Variants in RUNX1T1 observed in about 807,000 individuals in gnomAD.
RUNX1T1 encodes the protein RUNX1 partner transcriptional co-repressor 1, also known as protein CBFA2T1.
In RUNX1T1, 4 loss-of-function variants were observed where a neutral mutation model predicts 62.8. The ratio of observed to expected loss-of-function variants is 0.06; its 90% CI spans 0.03 to 0.15. The LOEUF is 0.15. Among genes scored for constraint, RUNX1T1 ranks in the 10% least tolerant of loss-of-function variants. The pLI, the probability that RUNX1T1 is intolerant of heterozygous loss-of-function variation, is 1.00. For synonymous variants in RUNX1T1, 291 were observed against 286.0 expected, an observed-to-expected ratio of 1.02 and a Z score of -0.18; for missense variants, 508 against 754.3, an observed-to-expected ratio of 0.67 and a Z score of 3.82.
chr8:92,081,377 A>G, intron 1 of RUNX1T1: 1 of 300,590 alleles, frequency 3.3e-6, no homozygotes, highest in Non-Finnish European at 4.9e-6. Flanking sequence ...ATATCAGTAC[A>G]ATCATAATCT....
exon 11 of RUNX1T1, chr8:91,959,446 G>T: frequency 7.3e-6 from 1 of 136,758 alleles, no homozygotes; most frequent in Non-Finnish European, 1.4e-5. Flanking sequence ...GTGTGTGTGT[G>T]TGTGTGTGTG....
chr8:92,035,123 C>T (rs868246368), intron 1 of RUNX1T1, among the ~76,000 whole-genome samples: 3 of 151,682 alleles, frequency 2.0e-5, no homozygotes, highest in East Asian at 3.9e-4. Flanking sequence ...GGTGAAACGC[C>T]GTCTCTACTA....
intron 10 of RUNX1T1, among the ~76,000 whole-genome samples, chr8:91,964,781 G>A (rs764205992): frequency 1.3e-5 from 2 of 152,044 alleles, no homozygotes; most frequent in Non-Finnish European, 2.9e-5. Flanking sequence ...TCCCAAAAAT[G>A]GACAGAAATT....
intron 5 of RUNX1T1, among the ~76,000 whole-genome samples, chr8:91,994,204 A>AT (rs1806300357): frequency 6.6e-6 from 1 of 151,982 alleles, no homozygotes; most frequent in African/African-American, 2.4e-5. Flanking sequence ...AAACATACTG[A>AT]CTCCTTACAT....
chr8:91,989,715 C>T (rs1406456664), intron 6 of RUNX1T1, among the ~76,000 whole-genome samples: 1 of 152,142 alleles, frequency 6.6e-6, no homozygotes, highest in Non-Finnish European at 1.5e-5. Flanking sequence ...TATTTAAAAA[C>T]ATGCAATCAT....
intron 8 of RUNX1T1, among the ~76,000 whole-genome samples, chr8:91,978,510 A>C (rs1335900967): frequency 1.3e-5 from 2 of 152,192 alleles, no homozygotes; most frequent in East Asian, 1.9e-4. Flanking sequence ...TAAAAATCCA[A>C]ATACCACAAA....
At chr8:92,067,832 C>T (rs1264274678), upstream of RUNX1T1, among the ~76,000 whole-genome samples, 1 of 152,102 alleles carries the variant, frequency 6.6e-6, no homozygotes, top group Non-Finnish European at 1.5e-5. Flanking sequence ...GTGCCAATGC[C>T]TTTAAAATAT....
At chr8:92,056,842 C>T (rs1831122767) in intron 1 of RUNX1T1, among the ~76,000 whole-genome samples, 1 of 152,134 alleles carries the variant, frequency 6.6e-6, no homozygotes, top group Non-Finnish European at 1.5e-5. Flanking sequence ...TAATTTTCTA[C>T]TAATCCAAAA....
chr8:91,987,390 G>A (rs1816794805), intron 6 of RUNX1T1, among the ~76,000 whole-genome samples: 2 of 152,088 alleles, frequency 1.3e-5, no homozygotes, highest in South Asian at 4.1e-4. Context: ...TACATAGGAA[G>A]GGTTATGCTT....
At chr8:92,081,102 T>A (rs1835192249) in intron 1 of RUNX1T1, 1 of 164,542 alleles carries the variant, frequency 6.1e-6, no homozygotes, top group African/African-American at 2.4e-5. Context: ...GTTCTTACAC[T>A]TACTCATCAG....
In RUNX1T1 at chr8:92,037,374, A is replaced by G. The variant is rs190142419; in HGVS notation, c.8-20011T>C. On this transcript the variant is annotated intron_variant, in intron 1 of 10. Coordinates refer to ENST00000396218, the Ensembl canonical transcript of RUNX1T1. The stretch of plus-strand genomic sequence containing the variant: ...GCATTTCCAGTCAATATTTTTTTAA[A>G]AATACATAAACAAGTCCTTCTCATC... 3.1e-3 allele frequency among the ~76,000 whole-genome samples: 467 copies of G among 152,256 alleles called. 1 individual carries two copies. The highest frequency in any genetic ancestry group is 5.5e-3 in the Non-Finnish European group (374 of 68,012).
intron 10 of RUNX1T1, among the ~76,000 whole-genome samples, chr8:91,961,931 G>A (rs887249851): frequency 6.6e-6 from 1 of 152,168 alleles, no homozygotes; most frequent in Non-Finnish European, 1.5e-5. Context: ...GTATTCACAG[G>A]TCTCCCTACT....
chr8:92,035,078 T>C (rs1271454386), intron 1 of RUNX1T1, among the ~76,000 whole-genome samples: 2 of 151,966 alleles, frequency 1.3e-5, no homozygotes, highest in African/African-American at 2.4e-5. Flanking sequence ...GCGGATCACC[T>C]GAGGTCAGGA....
At position 92,022,739 on chromosome 8, in the gene RUNX1T1, C is replaced by T. The variant is rs148304390; in HGVS notation, c.8-5376G>A. Among the ~76,000 whole-genome samples the T allele has an allele frequency of 2.2e-3, 342 of 152,246 alleles. 3 individuals are homozygous for T. Among genetic ancestry groups the T allele is most frequent in the East Asian group, 0.018 (94 of 5,172 alleles). On this transcript the variant is annotated intron_variant, in intron 1 of 10. Transcript: ENST00000396218. ...TGTTTAAACTACCCAGTCTAAGGTA[C>T]TGATATAGCAGCACAAATGGACTAA...
At position 92,024,497 on chromosome 8, in the gene RUNX1T1, C is replaced by CAA. The variant is rs34547904; in HGVS notation, c.8-7136_8-7135dup. ...GGGGTAACAGAGTGAAACCCCAACT[C>CAA]AAAAAAAAAAAAAAAAAAAAAAAAA... On this transcript the variant is annotated intron_variant, in intron 1 of 10. Transcript: ENST00000396218. Among the ~76,000 whole-genome samples the CAA allele has an allele frequency of 2.9e-3, 51 of 17,530 alleles. 2 individuals are homozygous for CAA. Among genetic ancestry groups the CAA allele is most frequent in the South Asian group, 6.8e-3 (2 of 296 alleles). The allele number at this position is 17,530 out of a possible 152,430, so 11.5% of individuals were successfully genotyped here. A position where few individuals can be genotyped will look rare whatever the true frequency, so the allele number is the denominator to read the frequency against.
At chr8:92,102,809 C>T, upstream of RUNX1T1, 2 of 1,490,242 alleles carry the variant, frequency 1.3e-6, no homozygotes, top group Non-Finnish European at 1.8e-6. The surrounding 1 kb of genome is among the most constrained non-coding windows in gnomAD (Gnocchi z 4.5). Context: ...AGTCAGGGGC[C>T]CGACCCCGCC....
At chr8:91,956,990 GAAAA>G (rs911913545), downstream of RUNX1T1, 1 of 165,018 alleles carries the variant, frequency 6.1e-6, no homozygotes, top group Non-Finnish European at 1.3e-5. Context: ...AAAAATTTAA[GAAAA>G]AAAAAAGACA....
rs553477629 is a variant in RUNX1T1 at position 91,960,989 on chromosome 8, A to G, written c.1459-472T>C. ...CCATATCTATATTGGATTCAAATAA[A>G]TATAATAGAGTAGATAAGGGATTCT... On this transcript the variant is annotated intron_variant, in intron 10 of 10. Coordinates refer to ENST00000396218, the Ensembl canonical transcript of RUNX1T1. Among the ~76,000 whole-genome samples the G allele has an allele frequency of 2.6e-5, 4 of 152,330 alleles. 1 individual carries two copies. Among genetic ancestry groups the G allele is most frequent in the African/African-American group, 9.6e-5 (4 of 41,592 alleles).
chr8:92,040,359 A>C (rs574626976), intron 1 of RUNX1T1, among the ~76,000 whole-genome samples: 30 of 152,244 alleles, frequency 2.0e-4, no homozygotes, highest in Non-Finnish European at 7.4e-5. Context: ...TGTATACTAT[A>C]TACACATACA....
Sources: allele counts gnomAD v4.1 joint callset (sites outside exome capture counted in the v4.1 genomes callset), GRCh38; gene constraint gnomAD v4.1.1; non-coding constraint Gnocchi (gnomAD v3.1); transcripts MANE v1.5; gene names NCBI Gene and HGNC (gene_info 2026-07-23, HGNC 2026-07-21).